Variants in ATP6V1H observed in about 807,000 individuals in gnomAD.
The protein encoded by ATP6V1H is ATPase H+ transporting V1 subunit H.
In ATP6V1H, 39 loss-of-function variants were observed where a neutral mutation model predicts 71.7. That is an observed-to-expected ratio of 0.54 (90% CI 0.42 to 0.71). The LOEUF (loss-of-function observed/expected upper bound fraction) is 0.71. Ranked by LOEUF, ATP6V1H falls within the 30% of genes least tolerant of loss-of-function variation. ATP6V1H has a pLI of 0.00. For missense variants in ATP6V1H, 509 were observed against 594.9 expected (o/e 0.86, Z 1.50); for synonymous variants, 192 against 199.3 (o/e 0.96, Z 0.31).
At chr8:53,792,979 T>C (rs1482800103) in intron 9 of ATP6V1H, among the ~76,000 whole-genome samples, 1 of 152,192 alleles carries the variant, frequency 6.6e-6, no homozygotes, top group Non-Finnish European at 1.5e-5. Flanking sequence ...ATATGTGGAA[T>C]ACATTTAAAG....
intron 11 of ATP6V1H, among the ~76,000 whole-genome samples, chr8:53,762,663 C>T (rs549196693): frequency 1.3e-4 from 20 of 152,090 alleles, no homozygotes; most frequent in African/African-American, 4.8e-4. Context: ...TTCATAAACA[C>T]ATTTGCATAG....
chr8:53,807,585 T>C (rs1306398686), intron 7 of ATP6V1H, among the ~76,000 whole-genome samples: 1 of 152,216 alleles, frequency 6.6e-6, no homozygotes, highest in African/African-American at 2.4e-5. Context: ...ATATGTAATG[T>C]CCAAAAGAGG....
At chr8:53,744,034 T>A (rs1169137272) in intron 12 of ATP6V1H, among the ~76,000 whole-genome samples, 1 of 152,184 alleles carries the variant, frequency 6.6e-6, no homozygotes, top group Non-Finnish European at 1.5e-5. Context: ...TTCTTGCTTG[T>A]TTAATATCAG....
chr8:53,780,529 TTTTC>T (rs1809071952), intron 9 of ATP6V1H, among the ~76,000 whole-genome samples: 1 of 152,138 alleles, frequency 6.6e-6, no homozygotes, highest in South Asian at 2.1e-4. Flanking sequence ...TTATATTTTT[TTTTC>T]TTTTTTTTAA....
At chr8:53,802,348 G>C (rs569320637) in intron 7 of ATP6V1H, among the ~76,000 whole-genome samples, 1 of 152,158 alleles carries the variant, frequency 6.6e-6, no homozygotes, top group Non-Finnish European at 1.5e-5. Flanking sequence ...ACAAGTTCCT[G>C]AACTTTTTCA....
chr8:53,842,568 G>A (rs1811377647), intron 1 of ATP6V1H: 1 of 152,204 alleles, frequency 6.6e-6, no homozygotes, highest in African/African-American at 2.4e-5. Context: ...TGTATCTGAA[G>A]ATTTGCTGTA....
chr8:53,839,748 G>A, intron 2 of ATP6V1H: 5 of 985,326 alleles, frequency 5.1e-6, no homozygotes, highest in Non-Finnish European at 6.0e-6. Context: ...GTCTCAAAAA[G>A]AGGGCTCTGG....
intron 9 of ATP6V1H, among the ~76,000 whole-genome samples, chr8:53,776,986 A>G (rs1166028626): frequency 6.6e-6 from 1 of 152,218 alleles, no homozygotes; most frequent in Non-Finnish European, 1.5e-5. Flanking sequence ...AGACAGAGCA[A>G]CAGAAATTAT....
At chr8:53,832,739 AAAGTT>A (rs1304843866) in intron 3 of ATP6V1H, 2 of 310,846 alleles carry the variant, frequency 6.4e-6, no homozygotes, top group African/African-American at 4.3e-5. Context: ...TAAAAAAAGA[AAAGTT>A]AAGCAACTTT....
rs540328314 is a variant in ATP6V1H at position 53,731,910 on chromosome 8, T to C, written c.1391+11667A>G. On this transcript the variant is annotated intron_variant, in intron 13 of 13. Coordinates refer to ENST00000359530, the MANE Select transcript of ATP6V1H (RefSeq NM_015941.4). ...TAGGCATTTGTCCTGGTGGAACACCTCATCAGAGCGGTGCATGGCAGTCCC... is the reference window on the plus strand; with the variant it reads ...TAGGCATTTGTCCTGGTGGAACACCCCATCAGAGCGGTGCATGGCAGTCCC... Among the ~76,000 whole-genome samples the C allele has an allele frequency of 3.9e-5, 6 of 152,348 alleles. No individual in the cohort carries two copies. The South Asian group carries it at 1.2e-3, about 32-fold the overall frequency.
chr8:53,720,589 G>A lies in ATP6V1H; in HGVS notation c.1392-4565C>T, dbSNP rs184236891. ...CCTTACCTTCACAGTGTATTTAGTTGCTTAAAGACTCAAACATTACAAATG... is the reference window on the plus strand; with the variant it reads ...CCTTACCTTCACAGTGTATTTAGTTACTTAAAGACTCAAACATTACAAATG... On this transcript the variant is annotated intron_variant, in intron 13 of 13. Transcript: ENST00000359530. Among the ~76,000 whole-genome samples, 9 of 152,250 alleles carry A rather than the reference G, an allele frequency of 5.9e-5. No individual in the cohort carries two copies. In the East Asian group the frequency reaches 1.7e-3, roughly 29 times the overall value.
At chr8:53,724,720 T>A (rs1475472183) in intron 13 of ATP6V1H, among the ~76,000 whole-genome samples, 1 of 151,854 alleles carries the variant, frequency 6.6e-6, no homozygotes, top group Non-Finnish European at 1.5e-5. Context: ...CCCCTGGATG[T>A]AAGATAAAAA....
In ATP6V1H at chr8:53,748,262, T is replaced by C. The variant is rs1807677000; in HGVS notation, c.1278-4572A>G. On this transcript the variant is annotated intron_variant, in intron 12 of 13. Transcript: ENST00000359530. Reference sequence around the variant, plus strand: ...TATTCCTACGGATCATGTAAGTGATTAAAATATAAACTAAAAGCACCAGAT... The same window carrying C: ...TATTCCTACGGATCATGTAAGTGATCAAAATATAAACTAAAAGCACCAGAT... Among the ~76,000 whole-genome samples, 3 of 152,128 alleles carry C rather than the reference T, an allele frequency of 2.0e-5. No individual in the cohort carries two copies. The South Asian group carries it at 6.2e-4, about 32-fold the overall frequency.
At chr8:53,833,108 T>TTGAC in intron 2 of ATP6V1H, 22 bp from the exon 3 acceptor site, 1 of 1,582,340 alleles carries the variant, frequency 6.3e-7, no homozygotes, top group East Asian at 2.3e-5. Context: ...GAATAAGATG[T>TTGAC]TTTGTTCAGT....
At chr8:53,731,876 G>A (rs556838090) in intron 13 of ATP6V1H, among the ~76,000 whole-genome samples, 10 of 152,372 alleles carry the variant, frequency 6.6e-5, no homozygotes, top group East Asian at 3.9e-4. Context: ...TCCTGAGAGC[G>A]CTCCGGGGTA....
intron 12 of ATP6V1H, among the ~76,000 whole-genome samples, chr8:53,748,365 A>T (rs1044806200): frequency 1.3e-5 from 2 of 152,110 alleles, no homozygotes; most frequent in Non-Finnish European, 2.9e-5. Flanking sequence ...TGCCAGGGGG[A>T]CTCTGAATTA....
intron 7 of ATP6V1H, among the ~76,000 whole-genome samples, chr8:53,808,863 G>A (rs2130456914): frequency 6.6e-6 from 1 of 152,130 alleles, no homozygotes; most frequent in African/African-American, 2.4e-5. Context: ...TGCTTCTGAG[G>A]CCATTTTAAA....
intron 13 of ATP6V1H, among the ~76,000 whole-genome samples, chr8:53,726,410 T>C (rs1295325743): frequency 2.6e-5 from 4 of 152,156 alleles, no homozygotes; most frequent in Admixed American, 1.3e-4. Flanking sequence ...ACAATTTTTT[T>C]AAGTATATAA....
At chr8:53,768,658 T>C (rs528853451) in intron 11 of ATP6V1H, among the ~76,000 whole-genome samples, 96 of 152,194 alleles carry the variant, frequency 6.3e-4, no homozygotes, top group Non-Finnish European at 1.1e-3. Flanking sequence ...CTGAACACAT[T>C]ACAGTACATG....
Sources: gnomAD v4.1 joint callset for allele counts (sites outside exome capture counted in the v4.1 genomes callset) on GRCh38, gnomAD v4.1.1 for gene constraint, MANE v1.5 for transcripts, NCBI Gene and HGNC (gene_info 2026-07-23, HGNC 2026-07-21) for gene names.